The following TTC28 variants were observed in gnomAD, a reference collection of about 807,000 sequenced individuals.
TTC28 encodes tetratricopeptide repeat protein 28.
In TTC28, 61 loss-of-function variants were observed where a neutral mutation model predicts 198.0. The observed-to-expected ratio is 0.31, with a 90% CI of 0.25 to 0.38. TTC28 has a LOEUF of 0.38. Ranked by LOEUF, TTC28 falls within the 10% of genes least tolerant of loss-of-function variation. TTC28 has a pLI of 1.00. For missense variants in TTC28, 2,678 were observed against 3,164.0 expected, an observed-to-expected ratio of 0.85 and a Z score of 3.69; for synonymous variants, 1,171 against 1,297.8, an observed-to-expected ratio of 0.90 and a Z score of 2.10.
Position 28,083,932 on chromosome 22 carries a change from A to G in TTC28, c.3932+10148T>C, listed in dbSNP as rs1941460916. On this transcript the variant is annotated intron_variant, in intron 12 of 22. Coordinates refer to ENST00000397906, the MANE Select transcript of TTC28 (RefSeq NM_001145418.2). ...CTCATTGCTAGCACAGCAGTCTGAG[A>G]TCAAACTGCAAGGCGGAAGCGAGGC... 2.6e-5 allele frequency among the ~76,000 whole-genome samples: 4 copies of G among 152,242 alleles called. No homozygotes were observed. The South Asian group carries it at 8.3e-4, about 32-fold the overall frequency.
At chr22:28,451,548 C>G (rs1407937413) in intron 2 of TTC28, among the ~76,000 whole-genome samples, 1 of 152,100 alleles carries the variant, frequency 6.6e-6, no homozygotes, top group African/African-American at 2.4e-5. Context: ...TACAGCAGGT[C>G]CTCAAATAAC....
intron 5 of TTC28, among the ~76,000 whole-genome samples, chr22:28,202,791 A>C (rs1468023490): frequency 6.6e-6 from 1 of 152,136 alleles, no homozygotes; most frequent in Non-Finnish European, 1.5e-5. Flanking sequence ...CATCTTTTGA[A>C]TGTTTCAAAC....
chr22:28,214,330 C>G lies in TTC28; in HGVS notation c.934-50731G>C, dbSNP rs886233375. Among the ~76,000 whole-genome samples the G allele has an allele frequency of 3.9e-5, 6 of 152,286 alleles. No individual in the cohort carries two copies. The South Asian group carries it at 1.0e-3, about 26-fold the overall frequency. ...TCTGCACAGCAAAAGAAACTACCATCAGAGTGAACAGGCAACCTACAGAAA... is the reference window on the plus strand; with the variant it reads ...TCTGCACAGCAAAAGAAACTACCATGAGAGTGAACAGGCAACCTACAGAAA... On this transcript the variant is annotated intron_variant, in intron 5 of 22. Transcript: ENST00000397906.
chr22:28,183,050 CT>C (rs71316833), intron 5 of TTC28, among the ~76,000 whole-genome samples: 26,550 of 141,630 alleles, frequency 0.19, 2,314 homozygotes, highest in African/African-American at 0.2. Flanking sequence ...CCTTCAATGT[CT>C]TTTTTTTTTT....
intron 5 of TTC28, among the ~76,000 whole-genome samples, chr22:28,282,997 C>G (rs1200931386): frequency 6.6e-6 from 1 of 152,106 alleles, no homozygotes; most frequent in Non-Finnish European, 1.5e-5. Flanking sequence ...TAACTCACTA[C>G]AGGCCCAAAA....
intron 6 of TTC28, among the ~76,000 whole-genome samples, chr22:28,131,625 G>A (rs184353451): frequency 1.3e-5 from 2 of 152,258 alleles, no homozygotes; most frequent in Admixed American, 1.3e-4. Flanking sequence ...CTGTAAAGTC[G>A]AAAAATCTAA....
chr22:28,658,833 C>A (rs2051699273), intron 1 of TTC28, among the ~76,000 whole-genome samples: 1 of 152,056 alleles, frequency 6.6e-6, no homozygotes, highest in Non-Finnish European at 1.5e-5. Flanking sequence ...CTCGTCTCTA[C>A]TAAAAATACA....
At chr22:28,195,931 A>G (rs958881984) in intron 5 of TTC28, among the ~76,000 whole-genome samples, 1 of 152,112 alleles carries the variant, frequency 6.6e-6, no homozygotes, top group African/African-American at 2.4e-5. Flanking sequence ...AACTGGAAAA[A>G]ACTACTTTAA....
chr22:28,634,711 A>G (rs2051238919), intron 1 of TTC28, among the ~76,000 whole-genome samples: 1 of 151,124 alleles, frequency 6.6e-6, no homozygotes, highest in Non-Finnish European at 1.5e-5. Flanking sequence ...CGGCCTCCTG[A>G]GTAGCTGGGA....
In TTC28 at chr22:28,250,343, T is replaced by C. The variant is rs545323033; in HGVS notation, c.933+45855A>G. Reference sequence around the variant, plus strand: ...TGTTATATTTCAAAATTTAAAACTCTACATCTCTCATAAGATTTTTAGCCT... The same window carrying C: ...TGTTATATTTCAAAATTTAAAACTCCACATCTCTCATAAGATTTTTAGCCT... On this transcript the variant is annotated intron_variant, in intron 5 of 22. Transcript: ENST00000397906. 2.6e-5 allele frequency among the ~76,000 whole-genome samples: 4 copies of C among 152,360 alleles called. No homozygotes were observed. In the South Asian group the frequency reaches 8.3e-4, roughly 32 times the overall value.
chr22:28,678,202 T>C (rs1382350742), intron 1 of TTC28, among the ~76,000 whole-genome samples: 6 of 152,186 alleles, frequency 3.9e-5, no homozygotes, highest in Non-Finnish European at 8.8e-5. Flanking sequence ...GGAGTATACA[T>C]AATCATTTAT....
chr22:28,125,535 A>G (rs1395877436), intron 6 of TTC28, among the ~76,000 whole-genome samples: 2 of 152,188 alleles, frequency 1.3e-5, no homozygotes, highest in Non-Finnish European at 2.9e-5. Flanking sequence ...ATTACCACCA[A>G]TGCTGCCAAA....
At chr22:28,662,431 G>A (rs144501850) in intron 1 of TTC28, among the ~76,000 whole-genome samples, 472 of 152,316 alleles carry the variant, frequency 3.1e-3, no homozygotes, top group Non-Finnish European at 5.1e-3. Context: ...TAGCTGGATG[G>A]TATTGATAAA....
At chr22:28,307,251 G>C (rs1316894726) in intron 2 of TTC28, among the ~76,000 whole-genome samples, 1 of 152,130 alleles carries the variant, frequency 6.6e-6, no homozygotes, top group African/African-American at 2.4e-5. Context: ...TATTCTTTAA[G>C]TGAATTATTT....
At chr22:28,573,464 AAATAAT>A (rs982905585) in intron 2 of TTC28, among the ~76,000 whole-genome samples, 1 of 151,814 alleles carries the variant, frequency 6.6e-6, no homozygotes, top group Non-Finnish European at 1.5e-5. Flanking sequence ...AAAAAATAAA[AAATAAT>A]AATAATAATA....
intron 5 of TTC28, among the ~76,000 whole-genome samples, chr22:28,187,527 C>T (rs1924312775): frequency 6.6e-6 from 1 of 152,180 alleles, no homozygotes; most frequent in South Asian, 2.1e-4. Flanking sequence ...CTGTAGGCTC[C>T]CCTCAGAATT....
At chr22:28,402,559 G>A (rs1319907986) in intron 2 of TTC28, among the ~76,000 whole-genome samples, 1 of 151,808 alleles carries the variant, frequency 6.6e-6, no homozygotes, top group African/African-American at 2.4e-5. Flanking sequence ...CTTTTTTTTA[G>A]GCCTATCTGT....
At chr22:28,258,497 A>G (rs1325279969) in intron 5 of TTC28, among the ~76,000 whole-genome samples, 3 of 152,122 alleles carry the variant, frequency 2.0e-5, no homozygotes, top group African/African-American at 7.2e-5. Context: ...AAATAAGGGG[A>G]AAAATGCAAT....
chr22:28,562,476 G>A (rs2049900221), intron 2 of TTC28, among the ~76,000 whole-genome samples: 1 of 152,146 alleles, frequency 6.6e-6, no homozygotes, highest in Non-Finnish European at 1.5e-5. Context: ...GTAAAATACA[G>A]AGTCTCAAAC....
Sources: gnomAD v4.1 joint callset for allele counts (sites outside exome capture counted in the v4.1 genomes callset) on GRCh38, gnomAD v4.1.1 for gene constraint, MANE v1.5 for transcripts, NCBI Gene and HGNC (gene_info 2026-07-23, HGNC 2026-07-21) for gene names.